SCAI: variants seen among roughly 807,000 people sequenced by gnomAD.
SCAI encodes the protein protein SCAI.
In SCAI, 24 loss-of-function variants were observed where a neutral mutation model predicts 92.2. That is an observed-to-expected ratio of 0.26 (90% CI 0.19 to 0.37). SCAI has a LOEUF of 0.37. Among genes scored for constraint, SCAI ranks in the 10% least tolerant of loss-of-function variants. The probability of loss-of-function intolerance (pLI) is 1.00; values close to 1 mark genes in which losing one functional copy is unlikely to be tolerated. For synonymous variants in SCAI, 261 were observed against 258.6 expected (o/e 1.01, Z -0.09); for missense variants, 450 against 736.2 (o/e 0.61, Z 4.50).
At chr9:125,042,269 C>T (rs954780832) in intron 3 of SCAI, among the ~76,000 whole-genome samples, 2 of 152,144 alleles carry the variant, frequency 1.3e-5, no homozygotes, top group Non-Finnish European at 2.9e-5. Flanking sequence ...CAGTAGAACT[C>T]AGGAGACTAT....
At chr9:125,138,635 C>T (rs1265080699) in intron 2 of SCAI, among the ~76,000 whole-genome samples, 8 of 152,196 alleles carry the variant, frequency 5.3e-5, no homozygotes, top group South Asian at 2.1e-4. Context: ...AGGATGGTCT[C>T]GATCTCCTGA....
Position 125,070,998 on chromosome 9 carries a change from C to T in SCAI, c.99-14991G>A, listed in dbSNP as rs1023447995. Among the ~76,000 whole-genome samples the T allele has an allele frequency of 1.4e-4, 22 of 152,134 alleles. 1 individual carries two copies. The highest frequency in any genetic ancestry group is 2.9e-4 in the Non-Finnish European group (20 of 68,030). On this transcript the variant is annotated intron_variant, in intron 2 of 17. Coordinates refer to ENST00000336505, the MANE Select transcript of SCAI (RefSeq NM_001144877.3). ...TTCTCATGGTAGTGAATAAGTCTCACAAGATCTGATGGTTTTATAAGAGGA... is the reference window on the plus strand; with the variant it reads ...TTCTCATGGTAGTGAATAAGTCTCATAAGATCTGATGGTTTTATAAGAGGA...
chr9:125,132,170 G>A (rs550346152), intron 2 of SCAI, among the ~76,000 whole-genome samples: 1 of 151,084 alleles, frequency 6.6e-6, no homozygotes, highest in African/African-American at 2.4e-5. Flanking sequence ...TTAGGGTGCA[G>A]TGGCACGATC....
At chr9:125,082,248 G>A (rs200273698) in intron 2 of SCAI, among the ~76,000 whole-genome samples, 2 of 152,222 alleles carry the variant, frequency 1.3e-5, no homozygotes, top group African/African-American at 2.4e-5. Context: ...CAAGCCCCAA[G>A]CCTTGGGTGC....
chr9:125,020,060 G>A (rs1392076729), intron 7 of SCAI, among the ~76,000 whole-genome samples: 10 of 135,094 alleles, frequency 7.4e-5, no homozygotes, highest in East Asian at 2.2e-4. Flanking sequence ...ATGACAGAGC[G>A]AGACCTTGTC....
In SCAI at chr9:124,948,930, A is replaced by G. The variant is rs1831193481; in HGVS notation, c.*3877T>C. 1 of 152,252 alleles carries G rather than the reference A, an allele frequency of 6.6e-6. No homozygotes were observed. Among genetic ancestry groups the G allele is most frequent in the Non-Finnish European group, 1.5e-5 (1 of 68,036 alleles). The allele number at this position is 152,252 out of a possible 1,614,324, so 9.4% of individuals were successfully genotyped here. A position where few individuals can be genotyped will look rare whatever the true frequency, so the allele number is the denominator to read the frequency against. On this transcript the variant is annotated 3_prime_UTR_variant, in exon 18 of 18. Coordinates refer to ENST00000336505, the MANE Select transcript of SCAI (RefSeq NM_001144877.3). Reference sequence around the variant, plus strand: ...AATTTTTTTATAAAGGGCAGGTGGTATGCATTTTTAAAAAATGAAATTCTT... The same window carrying G: ...AATTTTTTTATAAAGGGCAGGTGGTGTGCATTTTTAAAAAATGAAATTCTT...
At chr9:125,073,140 G>C (rs596928) in intron 2 of SCAI, among the ~76,000 whole-genome samples, 1 of 117,484 alleles carries the variant, frequency 8.5e-6, no homozygotes, top group Non-Finnish European at 1.7e-5. Flanking sequence ...AGTCTCGCTC[G>C]GTCGCCCAGG....
chr9:125,026,458 A>G (rs996327580), intron 6 of SCAI, among the ~76,000 whole-genome samples: 4 of 152,116 alleles, frequency 2.6e-5, no homozygotes, highest in African/African-American at 9.7e-5. Flanking sequence ...AGTTGTCACC[A>G]GGCTTTTGAA....
intron 2 of SCAI, among the ~76,000 whole-genome samples, chr9:125,075,640 CACA>C (rs1834073910): frequency 6.6e-6 from 1 of 151,138 alleles, no homozygotes; most frequent in South Asian, 2.1e-4. Flanking sequence ...GATCTCCGCT[CACA>C]ACAACCTCCG....
chr9:125,067,434 AAGAC>A (rs1273293623), intron 2 of SCAI, among the ~76,000 whole-genome samples: 5 of 152,118 alleles, frequency 3.3e-5, no homozygotes, highest in East Asian at 3.8e-4. Flanking sequence ...ATGCCATGTG[AAGAC>A]AGACAGGAAG....
chr9:124,978,466 T>C (rs1160981495), intron 14 of SCAI, among the ~76,000 whole-genome samples: 1 of 152,176 alleles, frequency 6.6e-6, no homozygotes, highest in African/African-American at 2.4e-5. Flanking sequence ...CCCTATCAGT[T>C]AAGCAAAATT....
intron 15 of SCAI, among the ~76,000 whole-genome samples, chr9:124,972,808 C>T (rs1672322402): frequency 6.6e-6 from 1 of 152,198 alleles, no homozygotes; most frequent in Non-Finnish European, 1.5e-5. Flanking sequence ...CCTGTTGGTT[C>T]TATGGTTCTA....
chr9:125,007,745 C>G (rs1832541859), intron 9 of SCAI, among the ~76,000 whole-genome samples: 1 of 151,932 alleles, frequency 6.6e-6, no homozygotes, highest in African/African-American at 2.4e-5. Context: ...GCAGCCTTGA[C>G]TTCCCGGGCT....
Position 124,948,103 on chromosome 9 carries a change from C to T in SCAI, c.*4704G>A, listed in dbSNP as rs1831177978. Reference sequence around the variant, plus strand: ...CTCCATAATACCTAATACATAAATCCGATTTGTCGCTTTTCCCATTATCCT... The same window carrying T: ...CTCCATAATACCTAATACATAAATCTGATTTGTCGCTTTTCCCATTATCCT... On this transcript the variant is annotated 3_prime_UTR_variant, in exon 18 of 18. Transcript: ENST00000336505. 6.6e-6 allele frequency: 1 copy of T among 152,162 alleles called. No individual in the cohort carries two copies. The highest frequency in any genetic ancestry group is 1.5e-5 in the Non-Finnish European group (1 of 68,024). The allele number at this position is 152,162 out of a possible 1,614,324, so 9.4% of individuals were successfully genotyped here.
chr9:125,067,912 A>G (rs1288537547), intron 2 of SCAI, among the ~76,000 whole-genome samples: 1 of 152,206 alleles, frequency 6.6e-6, no homozygotes, highest in Non-Finnish European at 1.5e-5. Flanking sequence ...CCTTGTTGAT[A>G]ATTACTTTTT....
chr9:125,128,865 C>A (rs1476629214), intron 2 of SCAI, among the ~76,000 whole-genome samples: 1 of 151,860 alleles, frequency 6.6e-6, no homozygotes, highest in Admixed American at 6.6e-5. Context: ...GAGTTCACGA[C>A]CAGCCTGGCC....
intron 2 of SCAI, among the ~76,000 whole-genome samples, chr9:125,079,990 T>G (rs1324880671): frequency 6.6e-6 from 1 of 152,034 alleles, no homozygotes; most frequent in Non-Finnish European, 1.5e-5. Flanking sequence ...CTTGATTGTC[T>G]ACATACTACC....
chr9:124,998,481 T>C (rs1230624447), intron 13 of SCAI, among the ~76,000 whole-genome samples: 1 of 150,850 alleles, frequency 6.6e-6, no homozygotes, highest in Non-Finnish European at 1.5e-5. Context: ...ATACTAGAGG[T>C]TGGGAAGGGT....
chr9:125,092,055 A>C (rs927678621), intron 2 of SCAI, among the ~76,000 whole-genome samples: 3 of 147,260 alleles, frequency 2.0e-5, no homozygotes, highest in Non-Finnish European at 3.0e-5. Flanking sequence ...GCGTGAACCC[A>C]GGAGGCGGAG....
Sources: gnomAD v4.1 joint callset for allele counts (sites outside exome capture counted in the v4.1 genomes callset) on GRCh38, gnomAD v4.1.1 for gene constraint, MANE v1.5 for transcripts, NCBI Gene and HGNC (gene_info 2026-07-23, HGNC 2026-07-21) for gene names.